Variants in WDR33 observed in about 807,000 individuals in gnomAD.
The protein encoded by WDR33 is WD repeat domain 33, also known as pre-mRNA 3' end processing protein WDR33.
In WDR33, 47 loss-of-function variants were observed where a neutral mutation model predicts 164.9. That is an observed-to-expected ratio of 0.29 (90% CI 0.23 to 0.36). The LOEUF is 0.36. Ranked by LOEUF, WDR33 falls within the 10% of genes least tolerant of loss-of-function variation. The pLI, the probability that WDR33 is intolerant of heterozygous loss-of-function variation, is 1.00. For synonymous variants in WDR33, 505 were observed against 589.0 expected (o/e 0.86, Z 2.06); for missense variants, 1,137 against 1,754.1 (o/e 0.65, Z 6.28).
At chr2:127,774,919 C>A (rs1688140164) in intron 1 of WDR33, among the ~76,000 whole-genome samples, 2 of 152,106 alleles carry the variant, frequency 1.3e-5, no homozygotes, top group Non-Finnish European at 1.5e-5. Context: ...ATGAAAAATC[C>A]AGAACATGCT....
chr2:127,794,641 C>T (rs1342262056), intron 1 of WDR33, among the ~76,000 whole-genome samples: 1 of 151,542 alleles, frequency 6.6e-6, no homozygotes, highest in Non-Finnish European at 1.5e-5. Flanking sequence ...AAGACCAACC[C>T]GGCCAATATG....
rs1686337364 is a variant in WDR33 at position 127,717,962 on chromosome 2, T to C, written c.2761-699A>G. ...TAGGAAAATAACTTACAATAAATAATATTATACACACATACAACTGAGCAG... is the reference window on the plus strand; with the variant it reads ...TAGGAAAATAACTTACAATAAATAACATTATACACACATACAACTGAGCAG... On this transcript the variant is annotated intron_variant, in intron 16 of 21. Coordinates refer to ENST00000322313, the MANE Select transcript of WDR33 (RefSeq NM_018383.5). This position sits in a 1 kb window ranked among gnomAD's most constrained non-coding sequence, Gnocchi z 5.6. 6.6e-6 allele frequency among the ~76,000 whole-genome samples: 1 copy of C among 152,160 alleles called. No homozygotes were observed. The highest frequency in any genetic ancestry group is 1.9e-4 in the East Asian group (1 of 5,206).
chr2:127,764,559 T>C lies in WDR33; in HGVS notation c.626+269A>G. On this transcript the variant is annotated intron_variant, in intron 6 of 21. Transcript: ENST00000322313. The surrounding 1 kb of genome is among the most constrained non-coding windows in gnomAD (Gnocchi z 6.2). Reference sequence around the variant, plus strand: ...AGGAATAACGTATACACATTATTAATCATAAATGAAAAGAGAAAACCAGTG... The same window carrying C: ...AGGAATAACGTATACACATTATTAACCATAAATGAAAAGAGAAAACCAGTG... The C allele has an allele frequency of 6.5e-7, 1 of 1,549,334 alleles. No individual in the cohort carries two copies. Among genetic ancestry groups the C allele is most frequent in the African/African-American group, 1.4e-5 (1 of 72,858 alleles).
At chr2:127,766,984 C>G (rs553930347) in intron 4 of WDR33, among the ~76,000 whole-genome samples, 12 of 152,258 alleles carry the variant, frequency 7.9e-5, no homozygotes, top group Non-Finnish European at 1.6e-4. Context: ...GTCTCAAACT[C>G]CCGACCGCAG....
chr2:127,746,515 G>A lies in WDR33; in HGVS notation c.724+16547C>T, dbSNP rs1005003382. On this transcript the variant is annotated intron_variant, in intron 7 of 21. Coordinates refer to ENST00000322313, the MANE Select transcript of WDR33 (RefSeq NM_018383.5). ...ACAAACATTTGCTTCATCCTGCACT[G>A]TGCAGAGTATGTCTGTGGTCCTCAC... is the stretch of plus-strand genomic sequence containing the variant. Among the ~76,000 whole-genome samples, 8 of 152,244 alleles carry A rather than the reference G, an allele frequency of 5.3e-5. No homozygotes were observed. In the South Asian group the frequency reaches 1.2e-3, roughly 24 times the overall value.
At position 127,714,377 on chromosome 2, in the gene WDR33, C is replaced by CCTG. The variant is rs1218228833; in HGVS notation, c.2870-359_2870-357dup. ...TCTTTCAGGCATTTCATTAGGGCCA[C>CCTG]CTGCTCCACATCCAAGGAGGACACA... On this transcript the variant is annotated intron_variant, in intron 17 of 21. Coordinates refer to ENST00000322313, the MANE Select transcript of WDR33 (RefSeq NM_018383.5). This position sits in a 1 kb window ranked among gnomAD's most constrained non-coding sequence, Gnocchi z 4.3. 1.3e-5 allele frequency among the ~76,000 whole-genome samples: 2 copies of CCTG among 152,222 alleles called. No individual in the cohort carries two copies. The highest frequency in any genetic ancestry group is 2.9e-5 in the Non-Finnish European group (2 of 68,044).
At position 127,704,822 on chromosome 2, in the gene WDR33, T is replaced by C. The variant is rs1457938255; in HGVS notation, c.*1501A>G. On this transcript the variant is annotated 3_prime_UTR_variant, in exon 22 of 22. Coordinates refer to ENST00000322313, the MANE Select transcript of WDR33 (RefSeq NM_018383.5). ...AGCACCAGCGGCCAGGTACTGTGGC[T>C]CAGATCTGCAATCCCAGCACTTTGG... 1 of 167,062 alleles carries C rather than the reference T, an allele frequency of 6.0e-6. No homozygotes were observed. The highest frequency in any genetic ancestry group is 1.5e-5 in the Non-Finnish European group (1 of 68,144). The allele number at this position is 167,062 out of a possible 1,614,324, so 10.3% of individuals were successfully genotyped here. A position where few individuals can be genotyped will look rare whatever the true frequency, so the allele number is the denominator to read the frequency against.
rs1267331239 is a variant in WDR33, at chr2:127,712,399, AG to A, written c.3308+1183del. Among the ~76,000 whole-genome samples the A allele has an allele frequency of 0.014, 2,063 of 150,518 alleles. 22 individuals carry two copies. The highest frequency in any genetic ancestry group is 0.082 in the Middle Eastern group (24 of 292). On this transcript the variant is annotated intron_variant, in intron 18 of 21. Transcript: ENST00000322313. The surrounding 1 kb of genome is among the most constrained non-coding windows in gnomAD (Gnocchi z 4.0). ...AACAGAGCAAGACTCCGTCTCAAGAAGAAAAAAAAAAAAAAAGAAATGGGAT... is the reference window on the plus strand; with the variant it reads ...AACAGAGCAAGACTCCGTCTCAAGAAAAAAAAAAAAAAAAAGAAATGGGAT...
At chr2:127,728,682 T>C (rs1368023501) in intron 7 of WDR33, among the ~76,000 whole-genome samples, 2 of 152,174 alleles carry the variant, frequency 1.3e-5, no homozygotes, top group Non-Finnish European at 2.9e-5. Context: ...CCTGAAAAGG[T>C]AGGGAATTTT....
At chr2:127,785,664 TTAC>T (rs1452742989) in intron 1 of WDR33, among the ~76,000 whole-genome samples, 1 of 151,990 alleles carries the variant, frequency 6.6e-6, no homozygotes, top group Non-Finnish European at 1.5e-5. Context: ...TTTTTTGTTT[TTAC>T]TACTATTACT....
Position 127,709,543 on chromosome 2 carries a change from G to C in WDR33, c.3512C>G (p.Pro1171Arg), listed in dbSNP as rs561749994. 1 of 1,614,166 alleles carries C rather than the reference G, an allele frequency of 6.2e-7. No homozygotes were observed. The highest frequency in any genetic ancestry group is 1.1e-5 in the South Asian group (1 of 91,082). Reference sequence around the variant, plus strand: ...TGGCTTCCGCCCTCCTTCAAAGCGAGGGAACTCGTCAGGAGTGGGAAGTAA... The same window carrying C: ...TGGCTTCCGCCCTCCTTCAAAGCGACGGAACTCGTCAGGAGTGGGAAGTAA... ...KGLLPTPDEF[P>R]RFEGGRKPDS... The change falls in exon 20 of 22, where the codon CCT becomes CGT. Residue 1171 changes from proline to arginine, a missense_variant. This residue lies in a region of WDR33 where 867 missense variants were observed against 1,073.0 expected (regional missense o/e 0.81). Transcript: ENST00000322313. The surrounding 1 kb of genome is among the most constrained non-coding windows in gnomAD (Gnocchi z 5.0).
intron 1 of WDR33, among the ~76,000 whole-genome samples, chr2:127,800,746 A>G (rs1231001306): frequency 6.6e-6 from 1 of 152,166 alleles, no homozygotes; most frequent in Non-Finnish European, 1.5e-5. Context: ...CTATTTCTGT[A>G]AACTGTACTT....
rs759254965 is a variant in WDR33, at chr2:127,726,662, A to G, written c.840T>C (p.Ser280=). ...TTCCTGTCACTTACAGTGTTGCAAGACTCTGCCCAGTCTTGGGATCCCAGA... is the reference window on the plus strand; with the variant it reads ...TTCCTGTCACTTACAGTGTTGCAAGGCTCTGCCCAGTCTTGGGATCCCAGA... ...IKFWDPKTGQ[S]LATLHAHKNT... The change falls in exon 8 of 22, where the codon AGT becomes AGC. Residue 280 remains serine (S), a synonymous_variant. Coordinates refer to ENST00000322313, the MANE Select transcript of WDR33 (RefSeq NM_018383.5). This position sits in a 1 kb window ranked among gnomAD's most constrained non-coding sequence, Gnocchi z 4.8. The G allele has an allele frequency of 2.5e-6, 4 of 1,613,852 alleles. No homozygotes were observed. In the South Asian group the frequency reaches 4.4e-5, roughly 18 times the overall value.
Position 127,713,622 on chromosome 2 carries a change from T to TC in WDR33, c.3268dup (p.Asp1090GlyfsTer24). 1 of 1,614,236 alleles carries TC rather than the reference T, an allele frequency of 6.2e-7. No individual in the cohort carries two copies. Among genetic ancestry groups the TC allele is most frequent in the Non-Finnish European group, 8.5e-7 (1 of 1,180,048 alleles). On this transcript the variant is annotated frameshift_variant, in exon 18 of 22. Coordinates refer to ENST00000322313, the MANE Select transcript of WDR33 (RefSeq NM_018383.5). LOFTEE classifies it high-confidence loss of function. This position sits in a 1 kb window ranked among gnomAD's most constrained non-coding sequence, Gnocchi z 6.2. ...CCCTCGAAAACGTGGGTCCTCGGGA[T>TC]CCCGGGGGAAACGTTCATCTCCGGG...
Position 127,717,660 on chromosome 2 carries a change from A to G in WDR33, c.2761-397T>C, listed in dbSNP as rs1302660369. ...TAAGAGCACAGATTTTCATCAGGCA[A>G]CTTCTGAGATCTGAAATGCCCTACA... On this transcript the variant is annotated intron_variant, in intron 16 of 21. Transcript: ENST00000322313. The surrounding 1 kb of genome is among the most constrained non-coding windows in gnomAD (Gnocchi z 5.6). 1.3e-5 allele frequency among the ~76,000 whole-genome samples: 2 copies of G among 152,212 alleles called. No individual in the cohort carries two copies. The highest frequency in any genetic ancestry group is 2.9e-5 in the Non-Finnish European group (2 of 68,030).
In WDR33 at chr2:127,705,266, A is replaced by G. The variant is rs1685984951; in HGVS notation, c.*1057T>C. Reference sequence around the variant, plus strand: ...TATCATGGGGTATATAACAAACTGAATTTTTGGCTTCCAATCCAAACTGGG... The same window carrying G: ...TATCATGGGGTATATAACAAACTGAGTTTTTGGCTTCCAATCCAAACTGGG... On this transcript the variant is annotated 3_prime_UTR_variant, in exon 22 of 22. Coordinates refer to ENST00000322313, the MANE Select transcript of WDR33 (RefSeq NM_018383.5). This position sits in a 1 kb window ranked among gnomAD's most constrained non-coding sequence, Gnocchi z 4.5. The G allele has an allele frequency of 6.0e-6, 1 of 166,842 alleles. No individual in the cohort carries two copies. The highest frequency in any genetic ancestry group is 6.5e-5 in the Admixed American group (1 of 15,284). 10.3% of individuals were successfully genotyped at this position (166,842 alleles called of 1,614,324 possible).
chr2:127,736,802 T>C, intron 7 of WDR33: 1 of 985,430 alleles, frequency 1.0e-6, no homozygotes, highest in Non-Finnish European at 1.2e-6. Flanking sequence ...GGTATAAGTT[T>C]TGCTGAAACT....
intron 7 of WDR33, among the ~76,000 whole-genome samples, chr2:127,747,273 TAATA>T (rs533713168): frequency 3.3e-5 from 5 of 152,166 alleles, no homozygotes; most frequent in Non-Finnish European, 5.9e-5. Flanking sequence ...GTACTGTACC[TAATA>T]AATAAAATAC....
In WDR33 at chr2:127,719,816, T is replaced by C. The variant is rs1289241348; in HGVS notation, c.2209A>G (p.Thr737Ala). The C allele has an allele frequency of 6.2e-7, 1 of 1,613,546 alleles. No homozygotes were observed. Among genetic ancestry groups the C allele is most frequent in the Non-Finnish European group, 8.5e-7 (1 of 1,179,932 alleles). The change falls in exon 16 of 22, where the codon ACT becomes GCT. Residue 737 changes from threonine (T) to alanine (A), a missense_variant. Physicochemically the swap from Thr to Ala is moderately conservative, Grantham distance 58 (BLOSUM62 0). Coordinates refer to ENST00000322313, the MANE Select transcript of WDR33 (RefSeq NM_018383.5). This position sits in a 1 kb window ranked among gnomAD's most constrained non-coding sequence, Gnocchi z 6.5. ...CCAGGTGGTCCCTGCATACCTTGAG[T>C]ACCCGGAGGCCCCTGTGGGCCCAAG... ...GHLGPQGPPG[T>A]QGMQGPPGPR...
Sources: gnomAD v4.1 joint callset for allele counts (sites outside exome capture counted in the v4.1 genomes callset) on GRCh38, gnomAD v4.1.1 for gene constraint, gnomAD v4.1.1 regional missense constraint, Gnocchi (gnomAD v3.1) non-coding constraint, MANE v1.5 for transcripts, NCBI Gene and HGNC (gene_info 2026-07-23, HGNC 2026-07-21) for gene names.